LRP2: variants seen among roughly 807,000 people sequenced by gnomAD.
The protein encoded by LRP2 is LDL receptor related protein 2.
LRP2 carries 172 observed loss-of-function variants against 531.0 expected under a neutral mutation model. The observed-to-expected ratio is 0.32, with a 90% CI of 0.29 to 0.37. The LOEUF is 0.37. LRP2 is among the 10% of genes least tolerant of loss of function. LRP2 has a pLI of 1.00. For synonymous variants in LRP2, 1,992 were observed against 2,027.6 expected (o/e 0.98, Z 0.47); for missense variants, 5,167 against 5,868.3 (o/e 0.88, Z 3.90).
Position 169,360,148 on chromosome 2 carries a change from AGAG to A in LRP2, c.79+2170_79+2172del, listed in dbSNP as rs1221831725. Among the ~76,000 whole-genome samples the A allele has an allele frequency of 4.2e-3, 175 of 41,286 alleles. 1 individual carries two copies. The highest frequency in any genetic ancestry group is 0.028 in the Middle Eastern group (2 of 72). The allele number at this position is 41,286 out of a possible 152,430, so 27.1% of individuals were successfully genotyped here. On this transcript the variant is annotated intron_variant, in intron 1 of 78. Transcript: ENST00000649046. ...TCTCTCAAAAAAAAAAAAAAAAAAA[AGAG>A]AGAGAGAGAGAGAGAAAACCAGACA...
At chr2:169,268,433 T>G (rs1574201876) in intron 16 of LRP2, among the ~76,000 whole-genome samples, 3 of 152,208 alleles carry the variant, frequency 2.0e-5, no homozygotes, top group African/African-American at 2.4e-5. Context: ...TTCATCCCTG[T>G]GATGCAATGC....
At chr2:169,139,704 C>T (rs1685651199) in intron 72 of LRP2, 94 bp from the exon 73 acceptor site, 1 of 1,058,428 alleles carries the variant, frequency 9.4e-7, no homozygotes, top group South Asian at 1.3e-5. Flanking sequence ...AGAGCTTTGA[C>T]TGCATAAATT....
chr2:169,334,426 G>A (rs1435995474), intron 1 of LRP2, among the ~76,000 whole-genome samples: 1 of 152,144 alleles, frequency 6.6e-6, no homozygotes, highest in Non-Finnish European at 1.5e-5. Context: ...AGTTTTCAGT[G>A]GCCATCTCAA....
chr2:169,261,728 T>C (rs945825421), intron 16 of LRP2, among the ~76,000 whole-genome samples: 1 of 152,076 alleles, frequency 6.6e-6, no homozygotes, highest in Non-Finnish European at 1.5e-5. Context: ...GAGGGAATCC[T>C]CCCTAACTCA....
intron 1 of LRP2, among the ~76,000 whole-genome samples, chr2:169,338,852 C>T (rs1306800964): frequency 6.6e-6 from 1 of 152,174 alleles, no homozygotes; most frequent in African/African-American, 2.4e-5. Context: ...TAGTCATATA[C>T]TAGGGATTCA....
intron 36 of LRP2, 104 bp downstream of exon 36, chr2:169,213,553 C>G: frequency 2.2e-6 from 2 of 926,492 alleles, no homozygotes; most frequent in East Asian, 2.4e-5. Flanking sequence ...TTTGTATGCA[C>G]GTGTATGTAC....
intron 1 of LRP2, among the ~76,000 whole-genome samples, chr2:169,356,291 T>C (rs938570910): frequency 4.6e-5 from 7 of 152,358 alleles, no homozygotes; most frequent in Admixed American, 4.6e-4. Context: ...ACATGTGAAG[T>C]TGTGGTAGCC....
At chr2:169,327,269 G>C (rs1419574854) in intron 1 of LRP2, among the ~76,000 whole-genome samples, 2 of 111,904 alleles carry the variant, frequency 1.8e-5, no homozygotes, top group Admixed American at 8.4e-5. Context: ...GAGGTGGGGG[G>C]GTCAGCCCCC....
chr2:169,234,849 T>C (rs553516815), intron 29 of LRP2, among the ~76,000 whole-genome samples: 1 of 152,332 alleles, frequency 6.6e-6, no homozygotes, highest in East Asian at 1.9e-4. Flanking sequence ...TTCAACAGAA[T>C]TTATAGAATA....
At chr2:169,187,489 T>C in intron 49 of LRP2, among the ~76,000 whole-genome samples, 1 of 152,200 alleles carries the variant, frequency 6.6e-6, no homozygotes, top group Non-Finnish European at 1.5e-5. Flanking sequence ...GAGTTCAAGA[T>C]GGTGCTAAGC....
intron 55 of LRP2, among the ~76,000 whole-genome samples, chr2:169,174,898 G>A (rs986586400): frequency 7.5e-4 from 110 of 146,000 alleles, no homozygotes; most frequent in African/African-American, 2.5e-3. Flanking sequence ...GAAACCTCTC[G>A]TTTCCTCCTC....
At chr2:169,214,757 C>T (rs10190812) in intron 35 of LRP2, among the ~76,000 whole-genome samples, 15,935 of 152,192 alleles carry the variant, frequency 0.1, 1,436 homozygotes, top group African/African-American at 0.25. Flanking sequence ...CCAAGCTGAG[C>T]CGTGATCCAA....
Position 169,242,982 on chromosome 2 carries a change from C to G in LRP2, c.3641G>C (p.Ser1214Thr). ...ACAGCCTGCTTCATCCGAGTTGTCA[C>G]TGCAATCAAAAACACCATCACAACG... ...TNRCDGVFDC[S>T]DNSDEAGCPT... Residue 1214 changes from serine to threonine, a missense_variant, in exon 24 of 79, where the codon AGT (serine) becomes ACT (threonine). Coordinates refer to ENST00000649046, the MANE Select transcript of LRP2 (RefSeq NM_004525.3). The G allele has an allele frequency of 6.2e-7, 1 of 1,614,038 alleles. No homozygotes were observed. Among genetic ancestry groups the G allele is most frequent in the Non-Finnish European group, 8.5e-7 (1 of 1,179,930 alleles).
At chr2:169,165,518 C>A (rs1327938211) in intron 62 of LRP2, among the ~76,000 whole-genome samples, 2 of 152,154 alleles carry the variant, frequency 1.3e-5, no homozygotes, top group Non-Finnish European at 2.9e-5. Context: ...ATCTCTGCAG[C>A]TGGGCACCTG....
chr2:169,158,061 T>TACACACACACACACACACAC (rs61381788), intron 63 of LRP2, among the ~76,000 whole-genome samples: 2 of 141,392 alleles, frequency 1.4e-5, no homozygotes, highest in African/African-American at 5.2e-5. Flanking sequence ...ATTGATTATA[T>TACACACACACACACACACAC]ACACACACAC....
At chr2:169,170,751 G>A in intron 58 of LRP2, 84 bp from the exon 59 acceptor site, 1 of 954,820 alleles carries the variant, frequency 1.0e-6, no homozygotes, top group South Asian at 1.3e-5. Context: ...TAGTGCCCTG[G>A]GTGCCCAGCA....
intron 17 of LRP2, among the ~76,000 whole-genome samples, chr2:169,258,360 T>A (rs1161170248): frequency 2.6e-5 from 4 of 152,152 alleles, no homozygotes; most frequent in Admixed American, 1.3e-4. Flanking sequence ...ATTATATATC[T>A]AACGGAAGAA....
At chr2:169,137,121 T>C (rs981084121) in intron 76 of LRP2, among the ~76,000 whole-genome samples, 2 of 152,244 alleles carry the variant, frequency 1.3e-5, no homozygotes, top group Non-Finnish European at 2.9e-5. Context: ...TCTCTTGCTC[T>C]GACACCACTC....
intron 38 of LRP2, among the ~76,000 whole-genome samples, chr2:169,208,935 A>G (rs1432447579): frequency 1.3e-5 from 2 of 152,216 alleles, no homozygotes; most frequent in African/African-American, 4.8e-5. Context: ...AATAAATACA[A>G]CTAAGTTAAT....
Sources: allele counts gnomAD v4.1 joint callset (sites outside exome capture counted in the v4.1 genomes callset), GRCh38; gene constraint gnomAD v4.1.1; transcripts MANE v1.5; gene names NCBI Gene and HGNC (gene_info 2026-07-23, HGNC 2026-07-21).